Variants in PREPL observed in about 807,000 individuals in gnomAD.
PREPL encodes the protein prolyl endopeptidase like, also known as prolyl endopeptidase-like.
A neutral mutation model predicts 70.6 loss-of-function variants in PREPL; 77 were observed. The observed-to-expected ratio is 1.09, with a 90% CI of 0.91 to 1.32. The LOEUF is 1.32. PREPL is among the 40% of genes most tolerant of loss of function. The probability of loss-of-function intolerance (pLI) is 0.00; values close to 1 mark genes in which losing one functional copy is unlikely to be tolerated. For missense variants in PREPL, 1,002 were observed against 778.2 expected (o/e 1.29, Z -3.42); for synonymous variants, 315 against 264.8 (o/e 1.19, Z -1.84).
chr2:44,359,534 A>C (rs764758321), intron 1 of PREPL: 1 of 1,613,306 alleles, frequency 6.2e-7, no homozygotes, highest in South Asian at 1.1e-5. Context: ...GTTTCTTGCT[A>C]ACTCTGATAT....
chr2:44,358,950 C>T (rs1288912701), intron 1 of PREPL, among the ~76,000 whole-genome samples: 1 of 151,916 alleles, frequency 6.6e-6, no homozygotes, highest in African/African-American at 2.4e-5. Context: ...ATTTAGAAGG[C>T]CGAATTATAC....
At chr2:44,359,671 A>G in intron 1 of PREPL, 1 of 1,613,370 alleles carries the variant, frequency 6.2e-7, no homozygotes, top group Non-Finnish European at 8.5e-7. Flanking sequence ...GGTGAGGAAT[A>G]CTATACTTCA....
chr2:44,356,948 G>C (rs1212877715), intron 1 of PREPL, among the ~76,000 whole-genome samples: 1 of 152,134 alleles, frequency 6.6e-6, no homozygotes, highest in African/African-American at 2.4e-5. Flanking sequence ...GGGATTACAG[G>C]CGTGCGCCAC....
At position 44,321,065 on chromosome 2, in the gene PREPL, G is replaced by C; in HGVS notation, c.*291C>G. ...AACTGCTCAACTGTTCTGACTGGAA[G>C]GGAGGCCTGGAGCTCTGCTATCACC... is the stretch of plus-strand genomic sequence containing the variant. On this transcript the variant is annotated 3_prime_UTR_variant, in exon 14 of 14. Coordinates refer to ENST00000409411, the MANE Select transcript of PREPL (RefSeq NM_001171613.2). 1 of 415,510 alleles carries C rather than the reference G, an allele frequency of 2.4e-6. No individual in the cohort carries two copies. The allele number at this position is 415,510 out of a possible 1,614,324, so 25.7% of individuals were successfully genotyped here.
chr2:44,323,513 A>T, intron 10 of PREPL, 102 bp from the exon 11 acceptor site: 1 of 942,726 alleles, frequency 1.1e-6, no homozygotes, highest in Non-Finnish European at 1.5e-6. Flanking sequence ...TATGAGAGAA[A>T]ATAACTCAAG....
intron 13 of PREPL, 149 bp downstream of exon 13, chr2:44,321,678 A>G (rs1279477053): frequency 6.5e-7 from 1 of 1,548,846 alleles, no homozygotes; most frequent in Non-Finnish European, 8.7e-7. Flanking sequence ...TGATTGACAC[A>G]GTGTCCCTCC....
At chr2:44,361,051 GA>G (rs1325109244) in intron 1 of PREPL, among the ~76,000 whole-genome samples, 1 of 152,154 alleles carries the variant, frequency 6.6e-6, no homozygotes, top group Admixed American at 6.5e-5. Flanking sequence ...AAAAAGACCC[GA>G]ATAACAAGGA....
intron 12 of PREPL, among the ~76,000 whole-genome samples, chr2:44,322,110 T>C (rs1673025371): frequency 6.6e-6 from 1 of 152,090 alleles, no homozygotes; most frequent in Non-Finnish European, 1.5e-5. Context: ...AGAGGCCGTA[T>C]GGAAAAGACT....
chr2:44,319,745 T>G lies in PREPL; in HGVS notation c.*1611A>C, dbSNP rs1672765033. ...ACATGTCTGCTAAAGTTACACGATC[T>G]TCGCACAACAGCAACCTACACATTA... On this transcript the variant is annotated 3_prime_UTR_variant, in exon 14 of 14. Coordinates refer to ENST00000409411, the MANE Select transcript of PREPL (RefSeq NM_001171613.2). The G allele has an allele frequency of 6.4e-6, 1 of 156,330 alleles. No homozygotes were observed. Among genetic ancestry groups the G allele is most frequent in the African/African-American group, 2.4e-5 (1 of 41,492 alleles). The allele number at this position is 156,330 out of a possible 1,614,324, so 9.7% of individuals were successfully genotyped here.
chr2:44,320,705 AT>A lies in PREPL; in HGVS notation c.*650del, dbSNP rs1432667532. 8.2e-5 allele frequency: 96 copies of A among 1,170,630 alleles called. 1 individual carries two copies. The South Asian group carries it at 1.1e-3, about 14-fold the overall frequency. 72.5% of individuals were successfully genotyped at this position (1,170,630 alleles called of 1,614,324 possible). A position where few individuals can be genotyped will look rare whatever the true frequency, so the allele number is the denominator to read the frequency against. The stretch of plus-strand genomic sequence containing the variant: ...GATTGTAAGCATTTGTAATAGCTTC[AT>A]GTACAGCATGCTGCTTGGTGAACAA... On this transcript the variant is annotated 3_prime_UTR_variant, in exon 14 of 14. Transcript: ENST00000409411.
Position 44,342,521 on chromosome 2 carries a change from A to G in PREPL, c.381T>C (p.Val127=), listed in dbSNP as rs1472776498. 1.9e-6 allele frequency: 3 copies of G among 1,611,210 alleles called. No individual in the cohort carries two copies. The highest frequency in any genetic ancestry group is 2.5e-6 in the Non-Finnish European group (3 of 1,177,812). The change falls in exon 5 of 14, where the codon GTT becomes GTC. Residue 127 remains valine, a synonymous_variant. Transcript: ENST00000409411. Reference sequence around the variant, plus strand: ...GGTTCCTCTGGAAGGTGTAGAATAAAACATCTTCATCTTCCTCGTCCTTTA... The same window carrying G: ...GGTTCCTCTGGAAGGTGTAGAATAAGACATCTTCATCTTCCTCGTCCTTTA... ...EWVKDEEDED[V]LFYTFQRNLR...
chr2:44,361,150 G>C (rs1380093337), intron 1 of PREPL, among the ~76,000 whole-genome samples: 1 of 152,210 alleles, frequency 6.6e-6, no homozygotes, highest in East Asian at 1.9e-4. Flanking sequence ...GGCTAGGATG[G>C]GGGTGGGGTA....
chr2:44,321,348 G>A lies in PREPL; in HGVS notation c.*8C>T, dbSNP rs1305342389. The stretch of plus-strand genomic sequence containing the variant: ...GTGTGTTTCCAATTCCCAGTTGAAT[G>A]CAGTGTTTCAGAATTTCAGGTATTT... On this transcript the variant is annotated 3_prime_UTR_variant, in exon 14 of 14. Transcript: ENST00000409411. 5.0e-6 allele frequency: 8 copies of A among 1,587,836 alleles called. No individual in the cohort carries two copies. The highest frequency in any genetic ancestry group is 6.9e-6 in the Non-Finnish European group (8 of 1,156,992).
chr2:44,343,492 C>T (rs1675442696), intron 4 of PREPL, among the ~76,000 whole-genome samples: 2 of 151,994 alleles, frequency 1.3e-5, no homozygotes, highest in South Asian at 4.1e-4. Flanking sequence ...TCTGATAAAT[C>T]AAAACATATT....
chr2:44,336,512 A>G (rs972697556), intron 7 of PREPL, among the ~76,000 whole-genome samples: 1 of 152,132 alleles, frequency 6.6e-6, no homozygotes, highest in Non-Finnish European at 1.5e-5. Flanking sequence ...AAGGAAGAGA[A>G]TAACAGACAC....
chr2:44,335,228 T>C (rs181263531), intron 7 of PREPL, among the ~76,000 whole-genome samples: 140 of 152,300 alleles, frequency 9.2e-4, no homozygotes, highest in Middle Eastern at 6.8e-3. Flanking sequence ...TTTAAAACCA[T>C]GGAAACTGGG....
intron 4 of PREPL, 109 bp from the exon 5 acceptor site, chr2:44,342,661 T>G (rs1170724756): frequency 2.3e-6 from 2 of 860,672 alleles, no homozygotes; most frequent in East Asian, 5.0e-5. Flanking sequence ...CATGTGCAAG[T>G]TTATCCCTGG....
chr2:44,355,751 T>TATATATA (rs1676962080), intron 1 of PREPL, among the ~76,000 whole-genome samples: 1 of 141,362 alleles, frequency 7.1e-6, no homozygotes, highest in African/African-American at 2.7e-5. Context: ...AAACTACATA[T>TATATATA]TATATATATA....
chr2:44,332,311 C>T (rs1674196277), intron 8 of PREPL, 148 bp downstream of exon 8: 2 of 632,026 alleles, frequency 3.2e-6, no homozygotes, highest in Admixed American at 3.4e-5. Context: ...AAAAAATTCA[C>T]CTATCCCTAA....
Sources: allele counts gnomAD v4.1 joint callset (sites outside exome capture counted in the v4.1 genomes callset), GRCh38; gene constraint gnomAD v4.1.1; transcripts MANE v1.5; gene names NCBI Gene and HGNC (gene_info 2026-07-23, HGNC 2026-07-21).